The following ROPN1 variants were observed in gnomAD, a reference collection of about 807,000 sequenced individuals.
The protein encoded by ROPN1 is ropporin-1A.
ROPN1 carries 14 observed loss-of-function variants against 20.5 expected under a neutral mutation model. The observed-to-expected ratio is 0.68, with a 90% CI of 0.45 to 1.07. ROPN1 has a LOEUF of 1.07. Ranked by LOEUF, ROPN1 falls within the 50% of genes least tolerant of loss-of-function variation. ROPN1 has a pLI of 0.00. For missense variants in ROPN1, 169 were observed against 242.8 expected (o/e 0.70, Z 2.02); for synonymous variants, 76 against 95.7 (o/e 0.79, Z 1.20).
At chr3:123,983,727 A>T (rs1467328340) in intron 1 of ROPN1, among the ~76,000 whole-genome samples, 2 of 151,976 alleles carry the variant, frequency 1.3e-5, no homozygotes, top group Non-Finnish European at 2.9e-5. Context: ...AAAGTTATCA[A>T]TTATATCTAT....
chr3:123,974,702 GT>G (rs1327722381), intron 4 of ROPN1: 1 of 152,494 alleles, frequency 6.6e-6, no homozygotes, highest in Non-Finnish European at 1.5e-5. Flanking sequence ...TTCATTTTAA[GT>G]TATTTTAACA....
chr3:123,977,464 C>T (rs2038048449), intron 2 of ROPN1, among the ~76,000 whole-genome samples: 1 of 152,156 alleles, frequency 6.6e-6, no homozygotes, highest in Non-Finnish European at 1.5e-5. Flanking sequence ...CACTTAAGCC[C>T]AGGAGTTTGA....
chr3:123,989,796 G>C (rs529372458), intron 1 of ROPN1, among the ~76,000 whole-genome samples: 2 of 152,248 alleles, frequency 1.3e-5, no homozygotes, highest in Middle Eastern at 3.4e-3. Flanking sequence ...AATTTTGCCT[G>C]CCTGGCACCT....
At chr3:123,979,702 C>G in intron 2 of ROPN1, 1 of 403,838 alleles carries the variant, frequency 2.5e-6, no homozygotes, top group South Asian at 1.9e-5. Flanking sequence ...GACCCCATCA[C>G]TCTGCTTGGC....
chr3:123,970,115 A>C lies in ROPN1; in HGVS notation c.499T>G (p.Tyr167Asp), dbSNP rs774083393. The C allele has an allele frequency of 9.9e-6, 16 of 1,614,060 alleles. No homozygotes were observed. Among genetic ancestry groups the C allele is most frequent in the Non-Finnish European group, 1.4e-5 (16 of 1,180,030 alleles). Residue 167 changes from tyrosine (Y) to aspartate (D), a missense_variant, in exon 5 of 6, where the codon TAT becomes GAT. Physicochemically the swap from Tyr to Asp is radical, Grantham distance 160. Transcript: ENST00000405845. ...ATCTCCCCATCCACTTTGGCAATAT[A>C]CGTGTAGAGAAACTGGAAGGTGCTG... ...PFSTFQFLYT[Y>D]IAKVDGEISA...
chr3:123,979,168 T>C (rs2038084211), intron 2 of ROPN1: 1 of 232,278 alleles, frequency 4.3e-6, no homozygotes, highest in Non-Finnish European at 8.6e-6. Flanking sequence ...TGAGCACCAC[T>C]GGCTTATTTT....
intron 1 of ROPN1, among the ~76,000 whole-genome samples, chr3:123,983,818 A>G (rs1003120459): frequency 5.3e-5 from 8 of 152,180 alleles, no homozygotes; most frequent in African/African-American, 1.9e-4. Context: ...TTCTCAAGTA[A>G]TCCTCAAAAT....
chr3:123,986,474 G>T (rs1422833745), intron 1 of ROPN1, among the ~76,000 whole-genome samples: 1 of 152,050 alleles, frequency 6.6e-6, no homozygotes, highest in Non-Finnish European at 1.5e-5. Context: ...TGGGGGTGGG[G>T]TGCTGGCCGG....
chr3:123,979,224 G>A (rs1056421112), intron 2 of ROPN1: 73 of 340,668 alleles, frequency 2.1e-4, no homozygotes, highest in Admixed American at 1.3e-3. Context: ...CAGGAGCACA[G>A]CACTGGCCCA....
intron 5 of ROPN1, 148 bp from the exon 6 acceptor site, chr3:123,969,369 G>A: frequency 1.4e-6 from 1 of 715,842 alleles, no homozygotes; most frequent in African/African-American, 1.8e-5. Flanking sequence ...GACAGGGTCT[G>A]GCTCTGTCAT....
At chr3:123,983,671 C>T (rs2148999405) in intron 1 of ROPN1, among the ~76,000 whole-genome samples, 1 of 152,234 alleles carries the variant, frequency 6.6e-6, no homozygotes, top group South Asian at 2.1e-4. Flanking sequence ...CTTCTTTAAC[C>T]TCTTGCAGTT....
At chr3:123,974,139 G>A (rs1452601148) in intron 4 of ROPN1, among the ~76,000 whole-genome samples, 2 of 152,114 alleles carry the variant, frequency 1.3e-5, no homozygotes, top group African/African-American at 2.4e-5. Flanking sequence ...CTTTGTGGGT[G>A]GGGTAGACCA....
intron 5 of ROPN1, among the ~76,000 whole-genome samples, chr3:123,969,700 TA>T (rs1046963684): frequency 5.9e-5 from 9 of 152,310 alleles, no homozygotes; most frequent in Middle Eastern, 3.4e-3. Context: ...TCAGAGTTAC[TA>T]GGGGGGCTTA....
chr3:123,980,239 G>C, intron 2 of ROPN1, 127 bp downstream of exon 2: 7 of 814,392 alleles, frequency 8.6e-6, no homozygotes, highest in Non-Finnish European at 1.4e-5. Context: ...CAATGCAAGA[G>C]CTAAAACAAA....
chr3:123,977,983 T>C (rs891447122), intron 2 of ROPN1, among the ~76,000 whole-genome samples: 1 of 152,234 alleles, frequency 6.6e-6, no homozygotes, highest in South Asian at 2.1e-4. Context: ...TGACGATCCA[T>C]GAACCACAAA....
rs116831102 is a variant in ROPN1, at chr3:123,985,734, G to A, written c.-12-5241C>T. 2.5e-3 allele frequency among the ~76,000 whole-genome samples: 382 copies of A among 152,006 alleles called. 2 individuals carry two copies. Among genetic ancestry groups the A allele is most frequent in the African/African-American group, 8.8e-3 (366 of 41,498 alleles). On this transcript the variant is annotated intron_variant, in intron 1 of 5. Coordinates refer to ENST00000405845, the MANE Select transcript of ROPN1 (RefSeq NM_001317774.2). ...TAAAGTCTTATAAAAATATTTTTTG[G>A]CTGGGTGCAGTGGTTCACGCCAGTA... is the stretch of plus-strand genomic sequence containing the variant.
intron 4 of ROPN1, among the ~76,000 whole-genome samples, chr3:123,972,015 G>A (rs2037928852): frequency 1.3e-5 from 2 of 152,200 alleles, no homozygotes; most frequent in South Asian, 2.1e-4. Flanking sequence ...CACAGTTTGA[G>A]AAGCTGGCCA....
At chr3:123,982,214 C>T (rs148751954) in intron 1 of ROPN1, among the ~76,000 whole-genome samples, 46 of 152,236 alleles carry the variant, frequency 3.0e-4, no homozygotes, top group Admixed American at 9.8e-4. Context: ...AAAAGAGTGA[C>T]GAAAGCTTCA....
intron 4 of ROPN1, among the ~76,000 whole-genome samples, chr3:123,971,522 C>A (rs190131575): frequency 6.4e-4 from 97 of 152,264 alleles, no homozygotes; most frequent in Admixed American, 1.7e-3. Context: ...TGGGGGTCCT[C>A]TCATGGAAAT....
Sources: allele counts gnomAD v4.1 joint callset (sites outside exome capture counted in the v4.1 genomes callset), GRCh38; gene constraint gnomAD v4.1.1; transcripts MANE v1.5; gene names NCBI Gene and HGNC (gene_info 2026-07-23, HGNC 2026-07-21).